FGFR2: variants seen among roughly 807,000 people sequenced by gnomAD.
The protein encoded by FGFR2 is fibroblast growth factor receptor 2.
FGFR2 carries 19 observed loss-of-function variants against 95.9 expected under a neutral mutation model. That is an observed-to-expected ratio of 0.20 (90% CI 0.14 to 0.29). The LOEUF is 0.29. Ranked by LOEUF, FGFR2 falls within the 10% of genes least tolerant of loss-of-function variation. The probability of loss-of-function intolerance (pLI) is 1.00; values close to 1 mark genes in which losing one functional copy is unlikely to be tolerated. For missense variants in FGFR2, 707 were observed against 1,056.9 expected (o/e 0.67, Z 4.59); for synonymous variants, 392 against 393.3 (o/e 1.00, Z 0.04).
intron 6 of FGFR2, chr10:121,526,825 T>C: frequency 2.5e-6 from 1 of 398,586 alleles, no homozygotes; most frequent in East Asian, 3.6e-5. Flanking sequence ...TGTTCTTTCC[T>C]CTTCGCTGTC....
rs2133770212 is a variant in FGFR2 at position 121,483,771 on chromosome 10, A to C, written c.2228T>G (p.Val743Gly). The change falls in exon 17 of 18, where the codon GTG becomes GGG. Residue 743 changes from valine to glycine, a missense_variant. Physicochemically the swap from Val to Gly is moderately radical, Grantham distance 109. Around this residue, in one of 7 missense-constraint regions of FGFR2, gnomAD observed 104 missense variants for 214.2 expected, o/e 0.49. Transcript: ENST00000358487. Reference sequence around the variant, plus strand: ...CTTGAACGTTGGTCTCTGGGAGGGCACTGCATGCCAACAGTCCCTCATCAT... The same window carrying C: ...CTTGAACGTTGGTCTCTGGGAGGGCCCTGCATGCCAACAGTCCCTCATCAT... ...YMMMRDCWHA[V>G]PSQRPTFKQL... 6.2e-7 allele frequency: 1 copy of C among 1,613,934 alleles called. No homozygotes were observed. Among genetic ancestry groups the C allele is most frequent in the South Asian group, 1.1e-5 (1 of 90,962 alleles).
At position 121,479,273 on chromosome 10, in the gene FGFR2, A is replaced by G; in HGVS notation, c.*584T>C. 1 of 242,354 alleles carries G rather than the reference A, an allele frequency of 4.1e-6. No individual in the cohort carries two copies. Among genetic ancestry groups the G allele is most frequent in the Non-Finnish European group, 8.0e-6 (1 of 124,796 alleles). 15.0% of individuals were successfully genotyped at this position (242,354 alleles called of 1,614,324 possible). ...ATTAACGTTATACCATTTTCCCTGA[A>G]AGCAAAAGTATTTTTCCACCTCTGC... is the stretch of plus-strand genomic sequence containing the variant. On this transcript the variant is annotated 3_prime_UTR_variant, in exon 18 of 18. Coordinates refer to ENST00000358487, the MANE Select transcript of FGFR2 (RefSeq NM_000141.5).
intron 4 of FGFR2, chr10:121,564,259 T>G (rs1304184382): frequency 8.9e-6 from 5 of 563,268 alleles, no homozygotes; most frequent in African/African-American, 3.8e-5. Flanking sequence ...GAAAGAAAAG[T>G]AGTAACTGCT....
At chr10:121,580,661 T>G (rs543499392) in intron 2 of FGFR2, among the ~76,000 whole-genome samples, 1 of 152,262 alleles carries the variant, frequency 6.6e-6, no homozygotes, top group East Asian at 1.9e-4. Flanking sequence ...ATCACTTTTC[T>G]CCTGTGTTTT....
chr10:121,561,667 G>T (rs1457272233), intron 4 of FGFR2, among the ~76,000 whole-genome samples: 3 of 152,080 alleles, frequency 2.0e-5, no homozygotes, highest in Non-Finnish European at 4.4e-5. Flanking sequence ...TAACACCAAA[G>T]GCACCATCCA....
chr10:121,544,317 G>A (rs1854189407), intron 5 of FGFR2, among the ~76,000 whole-genome samples: 1 of 151,974 alleles, frequency 6.6e-6, no homozygotes, highest in Admixed American at 6.6e-5. Context: ...ATGGTGGTGA[G>A]CACCTGTAAT....
intron 2 of FGFR2, among the ~76,000 whole-genome samples, chr10:121,570,652 G>T (rs572947123): frequency 2.9e-4 from 44 of 152,356 alleles, no homozygotes; most frequent in African/African-American, 1.0e-3. Flanking sequence ...TGGGGAGAAG[G>T]TTCCAGAAGC....
In FGFR2 at chr10:121,479,582, T is replaced by C. The variant is rs1318516048; in HGVS notation, c.*275A>G. 6.5e-7 allele frequency: 1 copy of C among 1,549,048 alleles called. No individual in the cohort carries two copies. Among genetic ancestry groups the C allele is most frequent in the East Asian group, 2.4e-5 (1 of 40,866 alleles). On this transcript the variant is annotated 3_prime_UTR_variant, in exon 18 of 18. Transcript: ENST00000358487. The stretch of plus-strand genomic sequence containing the variant: ...CAGAACGCACGTCCACCTTGAGTCC[T>C]ACTGGTCCACAGCCAGTACGCACGG...
In FGFR2 at chr10:121,479,829, C is replaced by A. The variant is rs775669188; in HGVS notation, c.*28G>T. On this transcript the variant is annotated 3_prime_UTR_variant, in exon 18 of 18. Transcript: ENST00000358487. ...GTGTAGCTAGGTTCCCAGTGCTGTC[C>A]TGTTTGGGGACAGGCAGACACAGTC... 5.6e-5 allele frequency: 91 copies of A among 1,613,948 alleles called. No homozygotes were observed. The highest frequency in any genetic ancestry group is 7.2e-5 in the Non-Finnish European group (85 of 1,179,962).
At chr10:121,554,333 C>CTTTT (rs59481441) in intron 4 of FGFR2, among the ~76,000 whole-genome samples, 1 of 139,952 alleles carries the variant, frequency 7.1e-6, no homozygotes, top group Admixed American at 7.2e-5. Context: ...GGGAGGAAGT[C>CTTTT]TTTTTTTTTT....
At chr10:121,525,332 C>T (rs903474687) in intron 6 of FGFR2, among the ~76,000 whole-genome samples, 3 of 152,092 alleles carry the variant, frequency 2.0e-5, no homozygotes, top group Non-Finnish European at 2.9e-5. Context: ...CCACTGCTGC[C>T]GGGACAGTTG....
intron 13 of FGFR2, among the ~76,000 whole-genome samples, chr10:121,495,842 TG>T (rs1307241271): frequency 1.3e-5 from 2 of 152,168 alleles, no homozygotes; most frequent in African/African-American, 4.8e-5. Flanking sequence ...TCCCTATGTG[TG>T]GGGCTGACAA....
At chr10:121,580,052 G>A (rs2135339049) in intron 2 of FGFR2, among the ~76,000 whole-genome samples, 1 of 152,308 alleles carries the variant, frequency 6.6e-6, no homozygotes, top group Non-Finnish European at 1.5e-5. Flanking sequence ...TGAAAGGTCA[G>A]ATAGATGTCC....
rs41295565 is a variant in FGFR2, at chr10:121,515,541, C to T, written c.1085-222G>A. 0.018 allele frequency among the ~76,000 whole-genome samples: 2,668 copies of T among 152,168 alleles called. 62 individuals carry two copies. Among genetic ancestry groups the T allele is most frequent in the African/African-American group, 0.058 (2,426 of 41,500 alleles). The stretch of plus-strand genomic sequence containing the variant: ...TGTCACTAGCCTCAGTGGGCACCTG[C>T]AATCCAGTGAGTGGTTGACACCCAG... On this transcript the variant is annotated intron_variant, in intron 8 of 17. Coordinates refer to ENST00000358487, the MANE Select transcript of FGFR2 (RefSeq NM_000141.5).
intron 4 of FGFR2, among the ~76,000 whole-genome samples, chr10:121,554,602 A>G (rs925203090): frequency 1.3e-5 from 2 of 149,194 alleles, no homozygotes; most frequent in Admixed American, 1.3e-4. Flanking sequence ...GGATCTCCTG[A>G]CCTCATGATC....
Position 121,493,417 on chromosome 10 carries a change from C to T in FGFR2, c.1863+3115G>A, listed in dbSNP as rs971983010. Among the ~76,000 whole-genome samples, 12 of 152,284 alleles carry T rather than the reference C, an allele frequency of 7.9e-5. No individual in the cohort carries two copies. The East Asian group carries it at 2.3e-3, about 29-fold the overall frequency. ...AGGGCTAGGGTGGGCAGGGGTACCA[C>T]CACTGCCTCTAGGACCAGGACTCAA... is the stretch of plus-strand genomic sequence containing the variant. On this transcript the variant is annotated intron_variant, in intron 13 of 17. Coordinates refer to ENST00000358487, the MANE Select transcript of FGFR2 (RefSeq NM_000141.5).
At chr10:121,571,302 T>TTC (rs1188652030) in intron 2 of FGFR2, among the ~76,000 whole-genome samples, 1 of 124,878 alleles carries the variant, frequency 8.0e-6, no homozygotes, top group Non-Finnish European at 1.7e-5. Flanking sequence ...GCCTTTTTTT[T>TTC]TTTTTTTTTT....
At chr10:121,589,942 T>G (rs867569852) in intron 2 of FGFR2, among the ~76,000 whole-genome samples, 8 of 152,236 alleles carry the variant, frequency 5.3e-5, no homozygotes, top group Non-Finnish European at 8.8e-5. Context: ...TTCCTTTCTT[T>G]TAACTTGCAA....
chr10:121,556,908 G>A (rs932853774), intron 4 of FGFR2, among the ~76,000 whole-genome samples: 1 of 152,112 alleles, frequency 6.6e-6, no homozygotes, highest in African/African-American at 2.4e-5. Context: ...CTCCTGACAG[G>A]GGAAAAATGT....
Sources: allele counts gnomAD v4.1 joint callset (sites outside exome capture counted in the v4.1 genomes callset), GRCh38; gene constraint gnomAD v4.1.1; regional missense constraint gnomAD v4.1.1; transcripts MANE v1.5; gene names NCBI Gene and HGNC (gene_info 2026-07-23, HGNC 2026-07-21).